SPIRE1: variants seen among roughly 807,000 people sequenced by gnomAD.
SPIRE1 encodes the protein spire type actin nucleation factor 1, also known as protein spire homolog 1.
A neutral mutation model predicts 94.1 loss-of-function variants in SPIRE1; 40 were observed. The ratio of observed to expected loss-of-function variants is 0.43; its 90% confidence interval spans 0.33 to 0.55. SPIRE1 has a LOEUF of 0.55. Ranked by LOEUF, SPIRE1 falls within the 20% of genes least tolerant of loss-of-function variation. The pLI is 0.06. For synonymous variants in SPIRE1, 376 were observed against 371.7 expected (o/e 1.01, Z -0.13); for missense variants, 838 against 975.2 (o/e 0.86, Z 1.87).
chr18:12,604,365 T>C lies in SPIRE1; in HGVS notation c.372+30697A>G, dbSNP rs80342685. Reference sequence around the variant, plus strand: ...TCCACTAAAGAATCCACCAGAGAACTGGCTGCTGGTAGGGAGAAATCCCCA... The same window carrying C: ...TCCACTAAAGAATCCACCAGAGAACCGGCTGCTGGTAGGGAGAAATCCCCA... On this transcript the variant is annotated intron_variant, in intron 2 of 16. Coordinates refer to ENST00000409402, the MANE Select transcript of SPIRE1 (RefSeq NM_001128626.2). Among the ~76,000 whole-genome samples the C allele has an allele frequency of 5.8e-4, 88 of 152,222 alleles. 1 individual carries two copies. The East Asian group carries it at 0.016, about 28-fold the overall frequency.
In SPIRE1 at chr18:12,497,962, T is replaced by G. The variant is rs1437926608; in HGVS notation, c.973-1860A>C. Reference sequence around the variant, plus strand: ...CAGTAGTCAGAAGCTGTATCCTGGGTCCCAATTACAGATGTGGGACAATGC... The same window carrying G: ...CAGTAGTCAGAAGCTGTATCCTGGGGCCCAATTACAGATGTGGGACAATGC... On this transcript the variant is annotated intron_variant, in intron 6 of 16. Coordinates refer to ENST00000409402, the MANE Select transcript of SPIRE1 (RefSeq NM_001128626.2). 2.0e-5 allele frequency among the ~76,000 whole-genome samples: 3 copies of G among 152,078 alleles called. No individual in the cohort carries two copies. In the East Asian group the frequency reaches 5.8e-4, roughly 29 times the overall value.
At chr18:12,534,365 T>C (rs925200383) in intron 4 of SPIRE1, among the ~76,000 whole-genome samples, 2 of 152,172 alleles carry the variant, frequency 1.3e-5, no homozygotes, top group African/African-American at 4.8e-5. Flanking sequence ...TGTATGTTAG[T>C]TGTAAAAGAA....
chr18:12,587,954 C>T (rs974614590), intron 2 of SPIRE1, among the ~76,000 whole-genome samples: 1 of 152,070 alleles, frequency 6.6e-6, no homozygotes, highest in African/African-American at 2.4e-5. Context: ...AAAAGAAACC[C>T]CATACCCATT....
chr18:12,524,018 T>C (rs890473049), intron 4 of SPIRE1, among the ~76,000 whole-genome samples: 1 of 152,220 alleles, frequency 6.6e-6, no homozygotes, highest in African/African-American at 2.4e-5. Flanking sequence ...TAATTTTGTA[T>C]GCATTAGGAA....
At chr18:12,643,613 A>G (rs2038142893) in intron 1 of SPIRE1, among the ~76,000 whole-genome samples, 1 of 152,220 alleles carries the variant, frequency 6.6e-6, no homozygotes, top group East Asian at 1.9e-4. Flanking sequence ...TCTACCAGCC[A>G]TATCCACTTA....
upstream of SPIRE1, among the ~76,000 whole-genome samples, chr18:12,661,143 A>G (rs2038688665): frequency 6.6e-6 from 1 of 152,050 alleles, no homozygotes; most frequent in East Asian, 1.9e-4. Context: ...ACCTGTCTCT[A>G]CTAAAAATAC....
chr18:12,463,645 C>T, intron 11 of SPIRE1, 152 bp from the exon 12 acceptor site: 1 of 578,322 alleles, frequency 1.7e-6, no homozygotes, highest in African/African-American at 1.9e-5. Context: ...TAGGAGTAGA[C>T]TCTGAGGGCT....
chr18:12,604,051 C>T (rs904480538), intron 2 of SPIRE1, among the ~76,000 whole-genome samples: 3 of 152,172 alleles, frequency 2.0e-5, no homozygotes, highest in Non-Finnish European at 4.4e-5. Flanking sequence ...CTTTCCCATG[C>T]TTCTCTTCAT....
At chr18:12,498,430 T>C (rs561381262) in intron 6 of SPIRE1, among the ~76,000 whole-genome samples, 3 of 152,268 alleles carry the variant, frequency 2.0e-5, no homozygotes, top group East Asian at 3.9e-4. Flanking sequence ...TTTTACTTAG[T>C]AGAGATGGGG....
At chr18:12,574,293 G>A (rs146407870) in intron 2 of SPIRE1, among the ~76,000 whole-genome samples, 5 of 152,242 alleles carry the variant, frequency 3.3e-5, no homozygotes, top group African/African-American at 1.2e-4. Flanking sequence ...GTTAGAGAAC[G>A]GATTAAAAAT....
chr18:12,477,276 G>A (rs1165255215), intron 10 of SPIRE1, among the ~76,000 whole-genome samples: 1 of 152,196 alleles, frequency 6.6e-6, no homozygotes, highest in Non-Finnish European at 1.5e-5. Context: ...CAAACTCTGT[G>A]AAGGGACTGT....
At chr18:12,465,058 A>G in intron 10 of SPIRE1, 100 bp from the exon 11 acceptor site, 1 of 1,003,776 alleles carries the variant, frequency 1.0e-6, no homozygotes, top group Non-Finnish European at 1.5e-6. Context: ...AACATGAGGC[A>G]CCAAAGTATG....
intron 2 of SPIRE1, among the ~76,000 whole-genome samples, chr18:12,571,531 A>C (rs1218725185): frequency 1.3e-5 from 2 of 152,198 alleles, no homozygotes; most frequent in African/African-American, 4.8e-5. Flanking sequence ...CCAACTAAGA[A>C]GCCCTTCAGA....
intron 5 of SPIRE1, among the ~76,000 whole-genome samples, chr18:12,507,844 G>C (rs1328765001): frequency 1.3e-5 from 2 of 152,014 alleles, no homozygotes; most frequent in Non-Finnish European, 2.9e-5. Context: ...CCTGTAACTT[G>C]TTAAAATTAA....
chr18:12,513,296 A>C (rs2034094666), intron 4 of SPIRE1, among the ~76,000 whole-genome samples: 1 of 152,170 alleles, frequency 6.6e-6, no homozygotes, highest in Non-Finnish European at 1.5e-5. Context: ...TATTAATTCT[A>C]AATTTATGAT....
chr18:12,628,475 G>C (rs969292285), intron 2 of SPIRE1, among the ~76,000 whole-genome samples: 4 of 152,178 alleles, frequency 2.6e-5, no homozygotes, highest in Non-Finnish European at 2.9e-5. Context: ...TTTGAAGTCA[G>C]GTAGTACAAT....
chr18:12,661,715 C>G (rs2038697755), upstream of SPIRE1: 2 of 152,296 alleles, frequency 1.3e-5, no homozygotes, highest in Admixed American at 6.6e-5. Flanking sequence ...GTGGAGATTG[C>G]TGTGAGCCAA....
chr18:12,590,109 C>T (rs575924097), intron 2 of SPIRE1, among the ~76,000 whole-genome samples: 31 of 143,948 alleles, frequency 2.2e-4, no homozygotes, highest in African/African-American at 6.6e-4. Flanking sequence ...TTTTTTGAGA[C>T]GGAGTTTCAC....
At chr18:12,635,009 T>TAACTTGAGTTA in intron 2 of SPIRE1, 53 bp downstream of exon 2, 1 of 1,045,534 alleles carries the variant, frequency 9.6e-7, no homozygotes, top group South Asian at 1.4e-5. Flanking sequence ...CAAGTTAGTC[T>TAACTTGAGTTA]AAACAGGACT....
Sources: allele counts gnomAD v4.1 joint callset (sites outside exome capture counted in the v4.1 genomes callset), GRCh38; gene constraint gnomAD v4.1.1; transcripts MANE v1.5; gene names NCBI Gene and HGNC (gene_info 2026-07-23, HGNC 2026-07-21).